TTC3: variants seen among roughly 807,000 people sequenced by gnomAD.
TTC3 encodes E3 ubiquitin-protein ligase TTC3.
In TTC3, 180 loss-of-function variants were observed where a neutral mutation model predicts 249.6. The ratio of observed to expected loss-of-function variants is 0.72; its 90% CI spans 0.64 to 0.82. TTC3 has a LOEUF of 0.82. Ranked by LOEUF, TTC3 falls within the 40% of genes least tolerant of loss-of-function variation. The pLI is 0.00. For missense variants in TTC3, 2,061 were observed against 2,398.4 expected, an observed-to-expected ratio of 0.86 and a Z score of 2.94; for synonymous variants, 717 against 805.0, an observed-to-expected ratio of 0.89 and a Z score of 1.85.
chr21:37,144,484 A>G (rs1406372694), intron 20 of TTC3, 41 bp from the exon 21 acceptor site: 1 of 1,590,982 alleles, frequency 6.3e-7, no homozygotes, highest in Non-Finnish European at 8.5e-7. Context: ...TGAAAATACC[A>G]TTTTACATCT....
chr21:37,173,350 C>T (rs1192353202), intron 35 of TTC3, among the ~76,000 whole-genome samples: 1 of 152,178 alleles, frequency 6.6e-6, no homozygotes, highest in Non-Finnish European at 1.5e-5. Context: ...ATAAGAATAA[C>T]ACATGGAGCC....
chr21:37,105,709 T>C (rs1455604175), intron 10 of TTC3, among the ~76,000 whole-genome samples: 1 of 152,150 alleles, frequency 6.6e-6, no homozygotes, highest in African/African-American at 2.4e-5. Context: ...CTTCCAGTGG[T>C]TAATTTTGCC....
At chr21:37,103,388 C>T (rs762071440) in intron 10 of TTC3, among the ~76,000 whole-genome samples, 25 of 152,222 alleles carry the variant, frequency 1.6e-4, no homozygotes, top group Non-Finnish European at 3.1e-4. Flanking sequence ...GGAGTCTTGT[C>T]CCATTTTCAT....
exon 42 of TTC3, chr21:37,195,831 C>G: frequency 6.2e-7 from 1 of 1,614,216 alleles, no homozygotes; most frequent in Non-Finnish European, 8.5e-7. Flanking sequence ...TGCGCTGTTG[C>G]CAGGGCCACC....
At chr21:37,140,523 TTGTA>T in intron 19 of TTC3, 34 bp from the exon 20 acceptor site, 1 of 1,302,554 alleles carries the variant, frequency 7.7e-7, no homozygotes, top group Non-Finnish European at 1.0e-6. Context: ...GTATTTCTCT[TTGTA>T]TGTAAGTGAT....
At chr21:37,133,600 GCT>G (rs2077658122) in intron 17 of TTC3, among the ~76,000 whole-genome samples, 1 of 152,206 alleles carries the variant, frequency 6.6e-6, no homozygotes, top group South Asian at 2.1e-4. Flanking sequence ...TTTGATTGAG[GCT>G]CTCTCCATAT....
chr21:37,168,064 T>C (rs1052834705), intron 34 of TTC3, among the ~76,000 whole-genome samples: 6 of 152,082 alleles, frequency 3.9e-5, no homozygotes, highest in African/African-American at 1.4e-4. Flanking sequence ...CCTACTAATA[T>C]AATTTAGTTC....
chr21:37,200,914 T>C (rs750557290), intron 45 of TTC3, among the ~76,000 whole-genome samples: 56 of 152,252 alleles, frequency 3.7e-4, no homozygotes, highest in East Asian at 2.7e-3. Context: ...CTGAAAGGAA[T>C]TGAGACCACT....
At chr21:37,182,040 ATTG>A (rs2148150936) in intron 35 of TTC3, among the ~76,000 whole-genome samples, 2 of 152,356 alleles carry the variant, frequency 1.3e-5, no homozygotes, top group South Asian at 4.1e-4. Flanking sequence ...TCCTTTAAAT[ATTG>A]CTTTGATTCA....
chr21:37,137,736 G>T (rs1026079459), intron 18 of TTC3, among the ~76,000 whole-genome samples: 2 of 152,172 alleles, frequency 1.3e-5, no homozygotes, highest in South Asian at 4.1e-4. Flanking sequence ...CTGTCAAACA[G>T]CATCACACAT....
At chr21:37,144,777 C>T (rs1381713458) in intron 21 of TTC3, 132 bp downstream of exon 21, 1 of 1,104,002 alleles carries the variant, frequency 9.1e-7, no homozygotes, top group Non-Finnish European at 1.3e-6. Context: ...CCTCTACTGT[C>T]TAATGAGAAT....
intron 25 of TTC3, 109 bp from the exon 26 acceptor site, chr21:37,151,784 G>T: frequency 1.6e-6 from 2 of 1,234,954 alleles, no homozygotes; most frequent in Non-Finnish European, 2.2e-6. Flanking sequence ...TGTAGGCCGG[G>T]CTCTGATTAA....
At chr21:37,123,002 T>A (rs145750425) in exon 13 of TTC3, 7 of 1,613,914 alleles carry the variant, frequency 4.3e-6, no homozygotes, top group Non-Finnish European at 5.9e-6. Flanking sequence ...CAAATAAGGA[T>A]CCAATTAAAG....
At chr21:37,099,915 A>G (rs1328884040) in intron 10 of TTC3, among the ~76,000 whole-genome samples, 1 of 152,370 alleles carries the variant, frequency 6.6e-6, no homozygotes, top group South Asian at 2.1e-4. Context: ...TAAATATGGT[A>G]TATTCATACA....
chr21:37,191,303 T>C, intron 39 of TTC3, 31 bp from the exon 40 acceptor site: 1 of 1,498,624 alleles, frequency 6.7e-7, no homozygotes, highest in Middle Eastern at 1.7e-4. Flanking sequence ...TTTTAAAATT[T>C]CTAAAGCAGT....
At chr21:37,121,526 T>C (rs988541313) in intron 11 of TTC3, among the ~76,000 whole-genome samples, 1 of 152,260 alleles carries the variant, frequency 6.6e-6, no homozygotes, top group Non-Finnish European at 1.5e-5. Context: ...ATATTCTCTG[T>C]TAGCAAAATA....
chr21:37,123,905 C>T (rs911769201), intron 13 of TTC3, among the ~76,000 whole-genome samples: 10 of 151,666 alleles, frequency 6.6e-5, no homozygotes, highest in South Asian at 2.1e-4. Context: ...GCTGCCACCA[C>T]GCCCTGCTAA....
chr21:37,159,851 G>C (rs749718251), intron 29 of TTC3, 106 bp downstream of exon 29: 72 of 1,071,864 alleles, frequency 6.7e-5, no homozygotes, highest in Non-Finnish European at 9.6e-5. Context: ...CAGCATTCAA[G>C]AACCACATTA....
At chr21:37,097,424 AAAAC>A (rs2147733478) in intron 10 of TTC3, among the ~76,000 whole-genome samples, 1 of 152,310 alleles carries the variant, frequency 6.6e-6, no homozygotes, top group East Asian at 1.9e-4. Context: ...TATTCAAAAT[AAAAC>A]AAACCAGAAA....
Sources: gnomAD v4.1 joint callset for allele counts (sites outside exome capture counted in the v4.1 genomes callset) on GRCh38, gnomAD v4.1.1 for gene constraint, MANE v1.5 for transcripts, NCBI Gene and HGNC (gene_info 2026-07-23, HGNC 2026-07-21) for gene names.